Variants in FAM186B observed in about 807,000 individuals in gnomAD.
The protein encoded by FAM186B is protein FAM186B.
Under a neutral mutation model 83.4 loss-of-function variants are expected in FAM186B, and 68 were observed. The observed-to-expected ratio is 0.81, with a 90% CI of 0.67 to 1.00. The LOEUF (loss-of-function observed/expected upper bound fraction) is 1.00. FAM186B is among the 50% of genes least tolerant of loss of function. FAM186B has a pLI of 0.00. For synonymous variants in FAM186B, 389 were observed against 422.0 expected, an observed-to-expected ratio of 0.92 and a Z score of 0.96; for missense variants, 983 against 1,099.2, an observed-to-expected ratio of 0.89 and a Z score of 1.49.
downstream of FAM186B, among the ~76,000 whole-genome samples, chr12:49,586,049 G>A (rs571697836): frequency 1.3e-5 from 2 of 152,338 alleles, no homozygotes; most frequent in East Asian, 1.9e-4. Context: ...CCTGGGATGT[G>A]GGTAAAGAAG....
upstream of FAM186B, among the ~76,000 whole-genome samples, chr12:49,610,557 G>A (rs886871545): frequency 5.3e-5 from 8 of 151,976 alleles, no homozygotes; most frequent in Non-Finnish European, 1.0e-4. Context: ...TTGGGAGGCC[G>A]AGGCGGGCGG....
At chr12:49,599,135 G>A (rs1939802421) in intron 4 of FAM186B, among the ~76,000 whole-genome samples, 188 bp from the exon 5 acceptor site, 1 of 152,052 alleles carries the variant, frequency 6.6e-6, no homozygotes, top group Non-Finnish European at 1.5e-5. Flanking sequence ...CTCAGGGCTG[G>A]GATGAAACAG....
Position 49,588,439 on chromosome 12 carries a change from C to T in FAM186B, c.2534+15G>A. 1 of 1,599,632 alleles carries T rather than the reference C, an allele frequency of 6.3e-7. No homozygotes were observed. The highest frequency in any genetic ancestry group is 8.5e-7 in the Non-Finnish European group (1 of 1,170,850). Reference sequence around the variant, plus strand: ...ACCCATACAGCTGCTGCCCCCTCAGCTTCCCAGAACCTACCGGGCCATCTG... The same window carrying T: ...ACCCATACAGCTGCTGCCCCCTCAGTTTCCCAGAACCTACCGGGCCATCTG... On this transcript the variant is annotated intron_variant, in intron 6 of 6. Transcript: ENST00000257894.
the FAM186B span, among the ~76,000 whole-genome samples, chr12:49,610,789 C>CA: frequency 0.027 from 1,698 of 63,148 alleles, 13 homozygotes; most frequent in Non-Finnish European, 0.032. Context: ...GACTCCATCT[C>CA]AAAAAAAAAA....
chr12:49,608,502 A>C (rs1001517295), upstream of FAM186B, among the ~76,000 whole-genome samples: 5 of 151,844 alleles, frequency 3.3e-5, no homozygotes, highest in South Asian at 2.1e-4. Flanking sequence ...AAAAAAAAAA[A>C]AAAAACCAAA....
the FAM186B span, among the ~76,000 whole-genome samples, chr12:49,615,429 TAA>T: frequency 2.0e-4 from 31 of 152,200 alleles, no homozygotes; most frequent in African/African-American, 7.5e-4. Context: ...CCAGAATAGA[TAA>T]AGAGCTACTA....
At chr12:49,617,285 C>T in the FAM186B span, among the ~76,000 whole-genome samples, 1 of 152,256 alleles carries the variant, frequency 6.6e-6, no homozygotes, top group African/African-American at 2.4e-5. Flanking sequence ...TGGCTCACGC[C>T]TGTAATCCCA....
At chr12:49,609,678 C>G (rs1429780324), upstream of FAM186B, among the ~76,000 whole-genome samples, 1 of 152,214 alleles carries the variant, frequency 6.6e-6, no homozygotes, top group East Asian at 1.9e-4. Context: ...TTAGGCCACC[C>G]TGGTTCCTTG....
the FAM186B span, among the ~76,000 whole-genome samples, chr12:49,618,589 A>C: frequency 3.3e-5 from 5 of 152,184 alleles, no homozygotes; most frequent in Non-Finnish European, 5.9e-5. Context: ...AGCTTCTGAG[A>C]TAAGATAACC....
the FAM186B span, chr12:49,619,667 CTTTTTT>C: frequency 3.5e-3 from 515 of 145,804 alleles, no homozygotes; most frequent in South Asian, 8.4e-3. Context: ...TTAGACATCT[CTTTTTT>C]TTTTTTTTTT....
chr12:49,612,825 A>C, the FAM186B span, among the ~76,000 whole-genome samples: 17 of 152,206 alleles, frequency 1.1e-4, no homozygotes, highest in Admixed American at 3.3e-4. Context: ...AGACAGATCA[A>C]CAAGGCAAAA....
At chr12:49,596,882 C>T (rs1470534337) in intron 5 of FAM186B, among the ~76,000 whole-genome samples, 1 of 152,152 alleles carries the variant, frequency 6.6e-6, no homozygotes, top group East Asian at 1.9e-4. Context: ...ACCGAGGTGC[C>T]CATCAGTGGA....
intron 3 of FAM186B, among the ~76,000 whole-genome samples, chr12:49,601,780 C>T (rs1178552099): frequency 6.6e-6 from 1 of 152,058 alleles, no homozygotes; most frequent in Admixed American, 6.6e-5. Flanking sequence ...TCACGGTGGT[C>T]ATTGTACCCC....
chr12:49,601,786 A>AC (rs1484299968), intron 3 of FAM186B, among the ~76,000 whole-genome samples: 1 of 151,380 alleles, frequency 6.6e-6, no homozygotes, highest in East Asian at 1.9e-4. Context: ...TGGTCATTGT[A>AC]CCCCCTTGGA....
chr12:49,601,125 C>A lies in FAM186B; in HGVS notation c.515G>T (p.Arg172Leu). The A allele has an allele frequency of 6.4e-7, 1 of 1,558,456 alleles. No homozygotes were observed. The highest frequency in any genetic ancestry group is 1.2e-5 in the South Asian group (1 of 82,952). ...GQKKRSQVSKRTFWQGWQGRS... is the reference protein window; with the variant it reads ...GQKKRSQVSKLTFWQGWQGRS... ...TCCCTGCCAGCCCTGCCAGAAGGTGCGTTTGGACACTGGGACAGGTAGAGA... is the reference window on the plus strand; with the variant it reads ...TCCCTGCCAGCCCTGCCAGAAGGTGAGTTTGGACACTGGGACAGGTAGAGA... The change falls in exon 4 of 7, where the codon CGC becomes CTC. Residue 172 changes from arginine (R) to leucine (L), a missense_variant. Physicochemically the swap from Arg to Leu is moderately radical, Grantham distance 102 (BLOSUM62 -2). Coordinates refer to ENST00000257894, the MANE Select transcript of FAM186B (RefSeq NM_032130.3).
chr12:49,590,836 T>A (rs1939565504), intron 5 of FAM186B, among the ~76,000 whole-genome samples: 1 of 152,168 alleles, frequency 6.6e-6, no homozygotes, highest in African/African-American at 2.4e-5. Context: ...TGTAAGTACA[T>A]ACTTAAAATT....
At position 49,588,588 on chromosome 12, in the gene FAM186B, A is replaced by G; in HGVS notation, c.2400T>C (p.Pro800=). 1.2e-6 allele frequency: 2 copies of G among 1,602,378 alleles called. No homozygotes were observed. The highest frequency in any genetic ancestry group is 1.7e-6 in the Non-Finnish European group (2 of 1,172,468). ...QLEWNVHLNI[P]EVTSPKPKKC... ...TCTTTGGCTTTGGCGAGGTGACCTC[A>G]GGGATGTTCAGGTGAACGTTCCACT... is the stretch of plus-strand genomic sequence containing the variant. The change falls in exon 6 of 7, where the codon CCT becomes CCC. Residue 800 remains proline (P), a synonymous_variant. Transcript: ENST00000257894.
chr12:49,588,614 C>T lies in FAM186B; in HGVS notation c.2374G>A (p.Glu792Lys). The T allele has an allele frequency of 6.3e-7, 1 of 1,581,330 alleles. No homozygotes were observed. Among genetic ancestry groups the T allele is most frequent in the Non-Finnish European group, 8.6e-7 (1 of 1,159,302 alleles). ...GGGATGTTCAGGTGAACGTTCCACTCCAGCTGGAGCTAGAGGAACCAGCAG... is the reference window on the plus strand; with the variant it reads ...GGGATGTTCAGGTGAACGTTCCACTTCAGCTGGAGCTAGAGGAACCAGCAG... ...MVTMFPKLQL[E>K]WNVHLNIPEV... is the part of the protein sequence containing the mutation. Residue 792 changes from glutamate to lysine, a missense_variant, in exon 6 of 7, where the codon GAG becomes AAG. Glu to Lys is a moderately conservative substitution (Grantham distance 56). Coordinates refer to ENST00000257894, the MANE Select transcript of FAM186B (RefSeq NM_032130.3).
At chr12:49,589,341 A>T (rs1034597599) in intron 5 of FAM186B, among the ~76,000 whole-genome samples, 1 of 152,192 alleles carries the variant, frequency 6.6e-6, no homozygotes, top group African/African-American at 2.4e-5. Context: ...AGCTGCCCCT[A>T]GGGACCACGT....
Sources: gnomAD v4.1 joint callset for allele counts (sites outside exome capture counted in the v4.1 genomes callset) on GRCh38, gnomAD v4.1.1 for gene constraint, MANE v1.5 for transcripts, NCBI Gene and HGNC (gene_info 2026-07-23, HGNC 2026-07-21) for gene names.